The following ELOVL6 variants were observed in gnomAD, a reference collection of about 807,000 sequenced individuals.
The protein encoded by ELOVL6 is very long chain fatty acid elongase 6.
ELOVL6 carries 8 observed loss-of-function variants against 31.7 expected under a neutral mutation model. That is an observed-to-expected ratio of 0.25 (90% CI 0.15 to 0.45). The LOEUF (loss-of-function observed/expected upper bound fraction) is 0.45. Ranked by LOEUF, ELOVL6 falls within the 20% of genes least tolerant of loss-of-function variation. ELOVL6 has a pLI of 1.00. For synonymous variants in ELOVL6, 101 were observed against 117.7 expected, an observed-to-expected ratio of 0.86 and a Z score of 0.92; for missense variants, 126 against 326.4, an observed-to-expected ratio of 0.39 and a Z score of 4.73.
chr4:110,184,288 A>C (rs145967988), intron 1 of ELOVL6, among the ~76,000 whole-genome samples: 443 of 152,328 alleles, frequency 2.9e-3, no homozygotes, highest in African/African-American at 9.9e-3. Context: ...GCATGCATTC[A>C]TTCAACTATT....
chr4:110,056,521 C>G (rs1287919160), intron 3 of ELOVL6, among the ~76,000 whole-genome samples: 3 of 151,530 alleles, frequency 2.0e-5, no homozygotes, highest in Non-Finnish European at 4.4e-5. Flanking sequence ...AGAACAATAT[C>G]CCATATTTTA....
At chr4:110,084,268 G>T (rs1282380267) in intron 2 of ELOVL6, among the ~76,000 whole-genome samples, 1 of 111,708 alleles carries the variant, frequency 9.0e-6, no homozygotes, top group East Asian at 2.5e-4. Context: ...TAGCTTATAT[G>T]TGATATATAA....
chr4:110,148,010 AG>A (rs1178863596), intron 1 of ELOVL6, among the ~76,000 whole-genome samples: 1 of 149,512 alleles, frequency 6.7e-6, no homozygotes, highest in East Asian at 2.0e-4. Flanking sequence ...GCTATCTGGG[AG>A]GCTGAGGCAG....
rs1351591472 is a variant in ELOVL6 at position 110,050,402 on chromosome 4, T to C, written c.*936A>G. The C allele has an allele frequency of 6.6e-6, 1 of 152,520 alleles. No homozygotes were observed. The highest frequency in any genetic ancestry group is 1.5e-5 in the Non-Finnish European group (1 of 68,070). The allele number at this position is 152,520 out of a possible 1,614,324, so 9.4% of individuals were successfully genotyped here. A position where few individuals can be genotyped will look rare whatever the true frequency, so the allele number is the denominator to read the frequency against. ...CCTTTCTCCCTTTTCCAGCTCACAG[T>C]GGTCCTGGGCCGGGCCTTTTTACAA... On this transcript the variant is annotated 3_prime_UTR_variant, in exon 4 of 4. Transcript: ENST00000302274.
At chr4:110,123,129 A>AT (rs1757399575) in intron 1 of ELOVL6, among the ~76,000 whole-genome samples, 1 of 152,142 alleles carries the variant, frequency 6.6e-6, no homozygotes, top group Non-Finnish European at 1.5e-5. Flanking sequence ...GGTTTATTTG[A>AT]TTTTTTAAAT....
At chr4:110,157,457 G>A (rs1038220465) in intron 1 of ELOVL6, among the ~76,000 whole-genome samples, 2 of 152,100 alleles carry the variant, frequency 1.3e-5, no homozygotes, top group African/African-American at 4.8e-5. Flanking sequence ...GATCAAGTGA[G>A]GTCAGGAGTT....
At position 110,165,283 on chromosome 4, in the gene ELOVL6, T is replaced by C. The variant is rs141558880; in HGVS notation, c.89+32964A>G. On this transcript the variant is annotated intron_variant, in intron 1 of 3. Coordinates refer to ENST00000302274, the MANE Select transcript of ELOVL6 (RefSeq NM_024090.3). ...TGCTATTGCCATTCATAGGCCAAAA[T>C]AGTTAAGTATCGACAATTTACAGGA... Among the ~76,000 whole-genome samples, 22 of 152,270 alleles carry C rather than the reference T, an allele frequency of 1.4e-4. 1 individual carries two copies. The East Asian group carries it at 4.2e-3, about 29-fold the overall frequency.
intron 1 of ELOVL6, among the ~76,000 whole-genome samples, chr4:110,137,770 G>A (rs1326043643): frequency 6.6e-6 from 1 of 152,136 alleles, no homozygotes; most frequent in Non-Finnish European, 1.5e-5. Flanking sequence ...CAAACTTTTA[G>A]AAATAACACA....
rs1486177826 is a variant in ELOVL6 at position 110,049,806 on chromosome 4, T to C, written c.*1532A>G. 2.6e-5 allele frequency: 4 copies of C among 151,776 alleles called. No homozygotes were observed. In the East Asian group the frequency reaches 7.7e-4, roughly 29 times the overall value. The allele number at this position is 151,776 out of a possible 1,614,324, so 9.4% of individuals were successfully genotyped here. A position where few individuals can be genotyped will look rare whatever the true frequency, so the allele number is the denominator to read the frequency against. ...TGTCACATTGAACAACTTTACATAA[T>C]TGCTTCTTTGAAATACTAGAAACAT... On this transcript the variant is annotated 3_prime_UTR_variant, in exon 4 of 4. Transcript: ENST00000302274.
chr4:110,197,164 C>T (rs1011595493), intron 1 of ELOVL6, among the ~76,000 whole-genome samples: 3 of 152,202 alleles, frequency 2.0e-5, no homozygotes, highest in Non-Finnish European at 2.9e-5. Context: ...GTCAAGCCAT[C>T]CCCCGGGCTG....
intron 1 of ELOVL6, among the ~76,000 whole-genome samples, chr4:110,132,987 T>C (rs989829980): frequency 1.4e-4 from 22 of 152,088 alleles, no homozygotes; most frequent in Admixed American, 1.3e-4. Context: ...GTCATCCATG[T>C]CTGGGTGGTG....
chr4:110,105,037 C>CT (rs143653916), intron 2 of ELOVL6, among the ~76,000 whole-genome samples: 3,606 of 152,216 alleles, frequency 0.024, 142 homozygotes, highest in Admixed American at 0.11. Context: ...ATTCTCTGGT[C>CT]TAGCAATACT....
At chr4:110,175,593 A>AT (rs1759079950) in intron 1 of ELOVL6, among the ~76,000 whole-genome samples, 1 of 152,242 alleles carries the variant, frequency 6.6e-6, no homozygotes, top group Non-Finnish European at 1.5e-5. Context: ...TTTAATCAAT[A>AT]TAACAACTCT....
In ELOVL6 at chr4:110,123,514, T is replaced by C. The variant is rs370247930; in HGVS notation, c.90-17886A>G. Among the ~76,000 whole-genome samples the C allele has an allele frequency of 3.3e-5, 5 of 152,122 alleles. No homozygotes were observed. The East Asian group carries it at 7.7e-4, about 23-fold the overall frequency. On this transcript the variant is annotated intron_variant, in intron 1 of 3. Coordinates refer to ENST00000302274, the MANE Select transcript of ELOVL6 (RefSeq NM_024090.3). The stretch of plus-strand genomic sequence containing the variant: ...AATAAATAAGAAAATAAGTAAATTA[T>C]ATAGTATGTTAGAAAATTACAAATA...
chr4:110,071,717 T>C (rs1755489856), intron 2 of ELOVL6, among the ~76,000 whole-genome samples: 1 of 152,220 alleles, frequency 6.6e-6, no homozygotes. Flanking sequence ...GCCAGGCGTC[T>C]AAGCACCACT....
chr4:110,107,355 G>A (rs950061036), intron 1 of ELOVL6, among the ~76,000 whole-genome samples: 2 of 152,212 alleles, frequency 1.3e-5, no homozygotes, highest in Non-Finnish European at 2.9e-5. Flanking sequence ...TTGAATGAAC[G>A]TGGTCTTGTC....
At position 110,084,093 on chromosome 4, in the gene ELOVL6, CATATATATG is replaced by C. The variant is rs1273224198; in HGVS notation, c.221+21395_221+21403del. On this transcript the variant is annotated intron_variant, in intron 2 of 3. Coordinates refer to ENST00000302274, the MANE Select transcript of ELOVL6 (RefSeq NM_024090.3). Reference sequence around the variant, plus strand: ...TATATATGCTATATATGATATATAACATATATATGATATATATGATATATATAACATATA... The same window carrying C: ...TATATATGCTATATATGATATATAACATATATATGATATATATAACATATA... Among the ~76,000 whole-genome samples the C allele has an allele frequency of 4.7e-3, 358 of 75,882 alleles. 32 individuals are homozygous for C. The highest frequency in any genetic ancestry group is 7.0e-3 in the Non-Finnish European group (281 of 40,378). The allele number at this position is 75,882 out of a possible 152,430, so 49.8% of individuals were successfully genotyped here.
chr4:110,169,905 A>G (rs1174995285), intron 1 of ELOVL6, among the ~76,000 whole-genome samples: 9 of 151,060 alleles, frequency 6.0e-5, no homozygotes, highest in African/African-American at 2.2e-4. Flanking sequence ...CCCAGGTTCA[A>G]GCGATTCTCT....
chr4:110,086,711 C>G (rs1302528768), intron 2 of ELOVL6, among the ~76,000 whole-genome samples: 1 of 152,040 alleles, frequency 6.6e-6, no homozygotes, highest in East Asian at 1.9e-4. Flanking sequence ...GAGCCAAGAA[C>G]TTTTGAGAGA....
Sources: gnomAD v4.1 joint callset for allele counts (sites outside exome capture counted in the v4.1 genomes callset) on GRCh38, gnomAD v4.1.1 for gene constraint, MANE v1.5 for transcripts, NCBI Gene and HGNC (gene_info 2026-07-23, HGNC 2026-07-21) for gene names.